The following LRRC38 variants were observed in gnomAD, a reference collection of about 807,000 sequenced individuals.
LRRC38 encodes the protein leucine-rich repeat-containing protein 38.
Under a neutral mutation model 16.4 loss-of-function variants are expected in LRRC38, and 5 were observed. The ratio of observed to expected loss-of-function variants is 0.31; its 90% confidence interval spans 0.16 to 0.64. The LOEUF is 0.64. LRRC38 is among the 30% of genes least tolerant of loss of function. The pLI is 0.80. For missense variants in LRRC38, 341 were observed against 401.8 expected, an observed-to-expected ratio of 0.85 and a Z score of 1.29; for synonymous variants, 191 against 190.2, an observed-to-expected ratio of 1.00 and a Z score of -0.04.
At chr1:13,509,507 G>A (rs1639251556) in intron 1 of LRRC38, among the ~76,000 whole-genome samples, 1 of 152,078 alleles carries the variant, frequency 6.6e-6, no homozygotes, top group Admixed American at 6.6e-5. Context: ...CCAGGACCAG[G>A]GCTAGGGACA....
rs751171664 is a variant in LRRC38 at position 13,513,432 on chromosome 1, G to A, written c.162C>T (p.Phe54=). The A allele has an allele frequency of 5.0e-5, 78 of 1,549,950 alleles. No homozygotes were observed. The highest frequency in any genetic ancestry group is 6.5e-5 in the Non-Finnish European group (74 of 1,146,696). ...CCAGCAGCTTGCGCACGTCCAGGGG[G>A]AAAGGGTCTGGCACGCTGGGCAGCC... is the stretch of plus-strand genomic sequence containing the variant. ...DRGLPSVPDP[F]PLDVRKLLVA... The change falls in exon 1 of 2, where the codon TTC becomes TTT. Residue 54 remains phenylalanine (F), a synonymous_variant. Coordinates refer to ENST00000376085, the MANE Select transcript of LRRC38 (RefSeq NM_001010847.2).
At chr1:13,476,497 T>C (rs1221087632) in intron 1 of LRRC38, among the ~76,000 whole-genome samples, 2 of 152,008 alleles carry the variant, frequency 1.3e-5, no homozygotes, top group East Asian at 3.9e-4. Context: ...CCTGACTAAT[T>C]TTAGTATTTT....
rs1638869651 is a variant in LRRC38 at position 13,481,771 on chromosome 1, C to CT, written c.632-5673_632-5672insA. ...CCTCTCACTTTCTTTCCCTCTCTCT[C>CT]CCTCTCTCCCTCTCTCCCTCTCTCT... On this transcript the variant is annotated intron_variant, in intron 1 of 1. Coordinates refer to ENST00000376085, the MANE Select transcript of LRRC38 (RefSeq NM_001010847.2). Among the ~76,000 whole-genome samples, 5 of 26,042 alleles carry CT rather than the reference C, an allele frequency of 1.9e-4. No individual in the cohort carries two copies. In the African/African-American group the frequency reaches 2.1e-3, roughly 11 times the overall value. The allele number at this position is 26,042 out of a possible 152,430, so 17.1% of individuals were successfully genotyped here.
At position 13,479,321 on chromosome 1, in the gene LRRC38, T is replaced by C. The variant is rs114649167; in HGVS notation, c.632-3222A>G. Among the ~76,000 whole-genome samples, 796 of 152,302 alleles carry C rather than the reference T, an allele frequency of 5.2e-3. 1 individual carries two copies. Among genetic ancestry groups the C allele is most frequent in the African/African-American group, 0.018 (758 of 41,546 alleles). Reference sequence around the variant, plus strand: ...GACAGTTTCTAAAGCCAGCAGATTATTTGCAGCCTCCAAACTAGTGACAGA... The same window carrying C: ...GACAGTTTCTAAAGCCAGCAGATTACTTGCAGCCTCCAAACTAGTGACAGA... On this transcript the variant is annotated intron_variant, in intron 1 of 1. Transcript: ENST00000376085.
At chr1:13,507,546 TG>T (rs1639227972) in intron 1 of LRRC38, among the ~76,000 whole-genome samples, 1 of 152,184 alleles carries the variant, frequency 6.6e-6, no homozygotes. Flanking sequence ...TAAAAAACAC[TG>T]GGGGCCAGGC....
At chr1:13,488,575 C>G (rs534261740) in intron 1 of LRRC38, among the ~76,000 whole-genome samples, 34 of 152,236 alleles carry the variant, frequency 2.2e-4, no homozygotes, top group South Asian at 4.2e-4. Context: ...TGGCTGAACA[C>G]ATTCTTAATT....
intron 1 of LRRC38, among the ~76,000 whole-genome samples, chr1:13,485,277 TAAA>T (rs3060199): frequency 1.0e-5 from 1 of 97,812 alleles, no homozygotes. Flanking sequence ...AACCCCACCT[TAAA>T]AAAAAAAAAA....
chr1:13,483,453 C>T (rs1239487315), intron 1 of LRRC38, among the ~76,000 whole-genome samples: 1 of 152,186 alleles, frequency 6.6e-6, no homozygotes, highest in African/African-American at 2.4e-5. Context: ...CCAGCCCAGG[C>T]AGAGTGTCTT....
intron 1 of LRRC38, among the ~76,000 whole-genome samples, chr1:13,490,084 G>A (rs1638990220): frequency 6.6e-6 from 1 of 152,164 alleles, no homozygotes; most frequent in African/African-American, 2.4e-5. Flanking sequence ...CCGACTGACT[G>A]TTCATGTGAT....
At chr1:13,499,608 A>AG (rs2100513728) in intron 1 of LRRC38, among the ~76,000 whole-genome samples, 1 of 152,286 alleles carries the variant, frequency 6.6e-6, no homozygotes, top group African/African-American at 2.4e-5. Context: ...AGTCTAACAA[A>AG]GGGGCTGGTT....
intron 1 of LRRC38, 87 bp from the exon 2 acceptor site, chr1:13,476,186 A>G: frequency 7.6e-7 from 1 of 1,315,436 alleles, no homozygotes; most frequent in Admixed American, 2.2e-5. Flanking sequence ...TTACAAAGCC[A>G]GCAATGTGCA....
chr1:13,509,148 G>A (rs560600808), intron 1 of LRRC38, among the ~76,000 whole-genome samples: 29 of 152,106 alleles, frequency 1.9e-4, no homozygotes, highest in African/African-American at 6.3e-4. Flanking sequence ...GTTTAATTCC[G>A]CCCCAGTCCA....
chr1:13,512,709 A>C (rs1186808493), intron 1 of LRRC38, among the ~76,000 whole-genome samples: 2 of 152,166 alleles, frequency 1.3e-5, no homozygotes, highest in Non-Finnish European at 2.9e-5. Context: ...GAGAAGGGGA[A>C]GGTCCCTAAC....
At chr1:13,502,505 G>T (rs1176586787) in intron 1 of LRRC38, among the ~76,000 whole-genome samples, 2 of 152,116 alleles carry the variant, frequency 1.3e-5, no homozygotes, top group Admixed American at 6.5e-5. Context: ...TGGAGCCGGG[G>T]TTTCCCATCA....
chr1:13,510,591 C>A (rs1219225367), intron 1 of LRRC38, among the ~76,000 whole-genome samples: 2 of 148,244 alleles, frequency 1.3e-5, no homozygotes, highest in African/African-American at 5.0e-5. Context: ...TGAAGGCAAG[C>A]AGCTTGGTGC....
intron 1 of LRRC38, among the ~76,000 whole-genome samples, chr1:13,488,643 G>A (rs923482961): frequency 3.3e-5 from 5 of 152,002 alleles, no homozygotes; most frequent in African/African-American, 7.3e-5. Context: ...TTGAACTTGC[G>A]CCAACACTGG....
rs1638780269 is a variant in LRRC38, at chr1:13,475,839, A to G, written c.*7T>C. 6.5e-7 allele frequency: 1 copy of G among 1,547,414 alleles called. No individual in the cohort carries two copies. Among genetic ancestry groups the G allele is most frequent in the Non-Finnish European group, 8.7e-7 (1 of 1,145,376 alleles). On this transcript the variant is annotated 3_prime_UTR_variant, in exon 2 of 2. Transcript: ENST00000376085. The surrounding 1 kb of genome is among the most constrained non-coding windows in gnomAD (Gnocchi z 4.3). ...TGGAGAGTAAGAGGCAGGAGGGAGGAGGTGGCTCAGTCATCCTTGTCCTCG... is the reference window on the plus strand; with the variant it reads ...TGGAGAGTAAGAGGCAGGAGGGAGGGGGTGGCTCAGTCATCCTTGTCCTCG...
intron 1 of LRRC38, among the ~76,000 whole-genome samples, chr1:13,503,847 C>T (rs890856816): frequency 6.6e-6 from 1 of 152,164 alleles, no homozygotes; most frequent in African/African-American, 2.4e-5. Context: ...TTCAATGGCC[C>T]ATAGCTCCCT....
intron 1 of LRRC38, among the ~76,000 whole-genome samples, chr1:13,478,107 C>T (rs16850548): frequency 0.12 from 17,637 of 152,172 alleles, 1,237 homozygotes; most frequent in East Asian, 0.27. Context: ...ATACACAATA[C>T]GAGCTATGTG....
Sources: allele counts gnomAD v4.1 joint callset (sites outside exome capture counted in the v4.1 genomes callset), GRCh38; gene constraint gnomAD v4.1.1; non-coding constraint Gnocchi (gnomAD v3.1); transcripts MANE v1.5; gene names NCBI Gene and HGNC (gene_info 2026-07-23, HGNC 2026-07-21).